TENM3: variants seen among roughly 807,000 people sequenced by gnomAD.
TENM3 encodes the protein teneurin transmembrane protein 3.
In TENM3, 63 loss-of-function variants were observed where a neutral mutation model predicts 255.1. The ratio of observed to expected loss-of-function variants is 0.25; its 90% confidence interval spans 0.20 to 0.30. The LOEUF is 0.30. Ranked by LOEUF, TENM3 falls within the 10% of genes least tolerant of loss-of-function variation. The probability of loss-of-function intolerance (pLI) is 1.00; values close to 1 mark genes in which losing one functional copy is unlikely to be tolerated. For missense variants in TENM3, 2,929 were observed against 3,461.1 expected (o/e 0.85, Z 3.86); for synonymous variants, 1,306 against 1,322.3 (o/e 0.99, Z 0.27).
the TENM3 span, among the ~76,000 whole-genome samples, chr4:182,040,371 T>C: frequency 6.6e-6 from 1 of 152,020 alleles, no homozygotes; most frequent in Non-Finnish European, 1.5e-5. Context: ...GTTTCCAAAG[T>C]CATCTACTCC....
the TENM3 span, among the ~76,000 whole-genome samples, chr4:181,621,313 G>C: frequency 6.6e-6 from 1 of 152,178 alleles, no homozygotes; most frequent in Non-Finnish European, 1.5e-5. Flanking sequence ...TGCTAAGGGA[G>C]ACAGCTGCTT....
At chr4:181,801,721 A>G in the TENM3 span, among the ~76,000 whole-genome samples, 1 of 131,082 alleles carries the variant, frequency 7.6e-6, no homozygotes, top group East Asian at 2.2e-4. Flanking sequence ...TATATGGCTC[A>G]CAAAGCCTAA....
chr4:182,382,348 G>C (rs1176379946), intron 3 of TENM3, among the ~76,000 whole-genome samples: 1 of 109,408 alleles, frequency 9.1e-6, no homozygotes, highest in Non-Finnish European at 1.8e-5. Flanking sequence ...TGATATTTTT[G>C]CACCATTTCT....
At chr4:181,638,861 T>C in the TENM3 span, among the ~76,000 whole-genome samples, 1 of 152,182 alleles carries the variant, frequency 6.6e-6, no homozygotes, top group East Asian at 1.9e-4. Context: ...GCAATTAGCT[T>C]CTAAATTAAC....
the TENM3 span, among the ~76,000 whole-genome samples, chr4:181,488,839 G>A: frequency 6.6e-6 from 1 of 152,102 alleles, no homozygotes; most frequent in Non-Finnish European, 1.5e-5. Context: ...AATACCGCTT[G>A]TTAAATTTTT....
At chr4:182,618,347 G>A (rs963346325) in intron 4 of TENM3, among the ~76,000 whole-genome samples, 5 of 151,930 alleles carry the variant, frequency 3.3e-5, no homozygotes, top group South Asian at 2.1e-4. Flanking sequence ...CAAAAGACCA[G>A]TATTAAGACA....
chr4:182,066,599 A>AAAAATATAT, the TENM3 span, among the ~76,000 whole-genome samples: 454 of 137,088 alleles, frequency 3.3e-3, 3 homozygotes, highest in Non-Finnish European at 5.3e-3. Context: ...GTAAAAAAAA[A>AAAAATATAT]ATATATATAT....
intron 3 of TENM3, among the ~76,000 whole-genome samples, chr4:182,356,462 T>G (rs1561358504): frequency 1.3e-5 from 2 of 151,964 alleles, no homozygotes. Context: ...TCTCCAAAGC[T>G]CAACTAAGGA....
At chr4:181,525,313 T>C in the TENM3 span, among the ~76,000 whole-genome samples, 5 of 150,244 alleles carry the variant, frequency 3.3e-5, no homozygotes. Context: ...TGGAGAATCA[T>C]TTGAACCCAG....
At chr4:182,215,175 T>A (rs1290608452) in intron 1 of TENM3, among the ~76,000 whole-genome samples, 1 of 152,172 alleles carries the variant, frequency 6.6e-6, no homozygotes, top group East Asian at 1.9e-4. Context: ...TAAATGGTAT[T>A]TTCAAGAGCT....
chr4:182,255,296 G>A (rs1285358214), intron 1 of TENM3, among the ~76,000 whole-genome samples: 1 of 151,944 alleles, frequency 6.6e-6, no homozygotes, highest in East Asian at 1.9e-4. Flanking sequence ...TACCCCCAAA[G>A]CACAAACTTT....
chr4:181,905,919 T>G, the TENM3 span: 1 of 569,780 alleles, frequency 1.8e-6, no homozygotes, highest in Non-Finnish European at 3.3e-6. Context: ...CTCAGCAGAA[T>G]GACATTGCTC....
At chr4:182,294,359 C>G (rs1406233201) in intron 1 of TENM3, among the ~76,000 whole-genome samples, 1 of 152,128 alleles carries the variant, frequency 6.6e-6, no homozygotes, top group African/African-American at 2.4e-5. Flanking sequence ...ACAGCAGCAA[C>G]TGTGGCTGCC....
chr4:182,224,889 G>A (rs1218402930), intron 1 of TENM3, among the ~76,000 whole-genome samples: 1 of 151,798 alleles, frequency 6.6e-6, no homozygotes, highest in Non-Finnish European at 1.5e-5. Context: ...GTCACGCGCC[G>A]CCACACCTGG....
chr4:182,658,298 A>T (rs191434573), intron 6 of TENM3, among the ~76,000 whole-genome samples: 1 of 152,156 alleles, frequency 6.6e-6, no homozygotes, highest in African/African-American at 2.4e-5. Flanking sequence ...GTCTCTGTTT[A>T]GTTGACTCAC....
At chr4:181,570,080 C>T in the TENM3 span, among the ~76,000 whole-genome samples, 1 of 148,674 alleles carries the variant, frequency 6.7e-6, no homozygotes. Flanking sequence ...GCTCTGTCGC[C>T]CAGGTCGGAC....
intron 3 of TENM3, among the ~76,000 whole-genome samples, chr4:182,357,597 A>C (rs1008729739): frequency 2.1e-5 from 3 of 146,176 alleles, no homozygotes; most frequent in Non-Finnish European, 4.5e-5. Flanking sequence ...GTTTGAGTTC[A>C]TTGTAGATTC....
In TENM3 at chr4:182,680,724, A is replaced by G. The variant is rs758163533; in HGVS notation, c.1821A>G (p.Glu607=). ...CTTGCAACTCAGGATACAAAGGAGA[A>G]AGTTGTGAAGAAGGTAAACATGTCA... ...SCACNSGYKG[E]SCEEADCIDP... The change falls in exon 10 of 28, where the codon GAA becomes GAG. Residue 607 remains glutamate, a synonymous_variant. Transcript: ENST00000511685. 1.3e-6 allele frequency: 2 copies of G among 1,563,166 alleles called. No homozygotes were observed. The highest frequency in any genetic ancestry group is 2.8e-5 in the African/African-American group (2 of 72,578).
Position 182,789,398 on chromosome 4 carries a change from G to C in TENM3, c.5601+9G>C. On this transcript the variant is annotated intron_variant, in intron 25 of 27. Transcript: ENST00000511685. The surrounding 1 kb of genome is among the most constrained non-coding windows in gnomAD (Gnocchi z 4.4). ...ACACATATTTAGAAAAGGTATGCCT[G>C]CAAACTAAGCTCAACAATAGGGAAA... The C allele has an allele frequency of 3.1e-6, 5 of 1,603,950 alleles. No individual in the cohort carries two copies. Among genetic ancestry groups the C allele is most frequent in the Non-Finnish European group, 4.3e-6 (5 of 1,172,750 alleles).
Sources: gnomAD v4.1 joint callset for allele counts (sites outside exome capture counted in the v4.1 genomes callset) on GRCh38, gnomAD v4.1.1 for gene constraint, Gnocchi (gnomAD v3.1) non-coding constraint, MANE v1.5 for transcripts, NCBI Gene and HGNC (gene_info 2026-07-23, HGNC 2026-07-21) for gene names.